Variants in ACBD6 observed in about 807,000 individuals in gnomAD.
ACBD6 encodes acyl-CoA-binding domain-containing protein 6.
Under a neutral mutation model 37.2 loss-of-function variants are expected in ACBD6, and 28 were observed. The observed-to-expected ratio is 0.75, with a 90% CI of 0.56 to 1.03. ACBD6 has a LOEUF of 1.03. ACBD6 is among the 50% of genes least tolerant of loss of function. The probability of loss-of-function intolerance (pLI) is 0.00; values close to 1 mark genes in which losing one functional copy is unlikely to be tolerated. For missense variants in ACBD6, 340 were observed against 337.4 expected (o/e 1.01, Z -0.06); for synonymous variants, 113 against 126.8 (o/e 0.89, Z 0.73).
intron 6 of ACBD6, among the ~76,000 whole-genome samples, chr1:180,374,580 C>CTCCTG (rs2101919016): frequency 2.6e-5 from 1 of 38,932 alleles, no homozygotes; most frequent in East Asian, 4.0e-4. Context: ...TCTGTTTTCA[C>CTCCTG]ACCTGACCTG....
chr1:180,300,169 C>T (rs532568482), intron 7 of ACBD6, among the ~76,000 whole-genome samples: 2 of 152,226 alleles, frequency 1.3e-5, no homozygotes, highest in South Asian at 4.1e-4. Context: ...ATAACTAAAT[C>T]CCCAAAGACA....
In ACBD6 at chr1:180,499,357, CA is replaced by C. The variant is rs1403036099; in HGVS notation, c.222+2687del. On this transcript the variant is annotated intron_variant, in intron 1 of 7. Coordinates refer to ENST00000367595, the MANE Select transcript of ACBD6 (RefSeq NM_032360.4). ...CGGCCCAGTGTCATATATAAGTAAGCATATTATTCTCTAACAATGCAGAATT... is the reference window on the plus strand; with the variant it reads ...CGGCCCAGTGTCATATATAAGTAAGCTATTATTCTCTAACAATGCAGAATT... Among the ~76,000 whole-genome samples the C allele has an allele frequency of 4.6e-5, 7 of 152,262 alleles. No homozygotes were observed. The South Asian group carries it at 1.2e-3, about 27-fold the overall frequency.
intron 6 of ACBD6, among the ~76,000 whole-genome samples, chr1:180,331,948 T>C (rs1293073070): frequency 1.3e-5 from 2 of 152,198 alleles, no homozygotes; most frequent in Non-Finnish European, 2.9e-5. Flanking sequence ...GATGTCTAAT[T>C]ATCCATTTCT....
At chr1:180,416,326 C>G (rs1648093783) in intron 4 of ACBD6, among the ~76,000 whole-genome samples, 1 of 152,186 alleles carries the variant, frequency 6.6e-6, no homozygotes. Flanking sequence ...GAGCTCAATA[C>G]AGCCTTCCAT....
At chr1:180,396,058 T>C (rs1054155959) in intron 6 of ACBD6, among the ~76,000 whole-genome samples, 20 of 152,104 alleles carry the variant, frequency 1.3e-4, no homozygotes, top group African/African-American at 4.3e-4. Flanking sequence ...GGGACAAATA[T>C]TGTATGATTC....
At chr1:180,419,181 G>A (rs1045096400) in intron 4 of ACBD6, among the ~76,000 whole-genome samples, 4 of 152,208 alleles carry the variant, frequency 2.6e-5, no homozygotes, top group Admixed American at 2.6e-4. Context: ...AACCCAGGAA[G>A]CGGAGCTTGC....
chr1:180,271,903 GC>G, exon 14 of ACBD6: 3 of 1,613,652 alleles, frequency 1.9e-6, no homozygotes, highest in Non-Finnish European at 2.5e-6. Flanking sequence ...ACCGCTGGGG[GC>G]AGTTCTATAA....
chr1:180,461,473 T>C (rs10157891), intron 3 of ACBD6, among the ~76,000 whole-genome samples: 145,391 of 152,240 alleles, frequency 0.96, 69,491 homozygotes, highest in African/African-American at 0.99. Flanking sequence ...TCAGATTTTC[T>C]AAGGTTGAAA....
At chr1:180,476,378 G>A (rs1478406310) in intron 3 of ACBD6, among the ~76,000 whole-genome samples, 1 of 152,044 alleles carries the variant, frequency 6.6e-6, no homozygotes, top group African/African-American at 2.4e-5. Flanking sequence ...GGAACACTAG[G>A]CATAAATGGG....
chr1:180,387,149 T>TA (rs1653875199), intron 6 of ACBD6, among the ~76,000 whole-genome samples: 1 of 152,228 alleles, frequency 6.6e-6, no homozygotes, highest in African/African-American at 2.4e-5. Flanking sequence ...GTGTGCTACT[T>TA]AGAGGTCAAT....
chr1:180,349,761 T>C (rs1377935498), intron 6 of ACBD6, among the ~76,000 whole-genome samples: 1 of 152,110 alleles, frequency 6.6e-6, no homozygotes, highest in African/African-American at 2.4e-5. Context: ...TCACTTCCTA[T>C]TCTTGTTAGC....
intron 5 of ACBD6, among the ~76,000 whole-genome samples, chr1:180,399,461 G>A (rs369519067): frequency 3.3e-5 from 5 of 151,952 alleles, no homozygotes; most frequent in African/African-American, 1.2e-4. Flanking sequence ...GTAGAGATGG[G>A]GTTTCACCAT....
chr1:180,440,974 T>G (rs76724469), intron 3 of ACBD6, among the ~76,000 whole-genome samples: 5 of 152,222 alleles, frequency 3.3e-5, no homozygotes, highest in Non-Finnish European at 7.3e-5. Flanking sequence ...TTTGGGTTGT[T>G]TGCACTTTTG....
At chr1:180,276,926 T>G (rs1649071835) in intron 9 of ACBD6, 1 of 152,178 alleles carries the variant, frequency 6.6e-6, no homozygotes, top group African/African-American at 2.4e-5. Flanking sequence ...TAATTCCCAG[T>G]TCAATAGTGG....
chr1:180,427,473 A>G (rs1648629366), intron 4 of ACBD6, among the ~76,000 whole-genome samples: 1 of 152,216 alleles, frequency 6.6e-6, no homozygotes, highest in African/African-American at 2.4e-5. Flanking sequence ...TTAGAAAAAT[A>G]AAACACCAGA....
At chr1:180,440,608 T>C (rs10798766) in intron 3 of ACBD6, among the ~76,000 whole-genome samples, 6 of 147,414 alleles carry the variant, frequency 4.1e-5, no homozygotes, top group South Asian at 2.2e-4. Flanking sequence ...CCCATTCCCC[T>C]CTCCCCCAAA....
intron 3 of ACBD6, among the ~76,000 whole-genome samples, chr1:180,466,673 C>A (rs1032753203): frequency 6.6e-6 from 1 of 152,090 alleles, no homozygotes; most frequent in Non-Finnish European, 1.5e-5. Context: ...AATAGTTTGC[C>A]TATGCACAAA....
intron 3 of ACBD6, among the ~76,000 whole-genome samples, chr1:180,456,295 T>G (rs935167135): frequency 6.6e-6 from 1 of 152,062 alleles, no homozygotes; most frequent in African/African-American, 2.4e-5. Context: ...CTCAAAAAGT[T>G]TCAAAAACTC....
intron 7 of ACBD6, among the ~76,000 whole-genome samples, chr1:180,304,982 G>A (rs995711385): frequency 1.3e-4 from 20 of 152,064 alleles, no homozygotes; most frequent in Non-Finnish European, 2.9e-5. Context: ...TGACAAACCT[G>A]ACAAAAACAA....
Sources: gnomAD v4.1 joint callset for allele counts (sites outside exome capture counted in the v4.1 genomes callset) on GRCh38, gnomAD v4.1.1 for gene constraint, MANE v1.5 for transcripts, NCBI Gene and HGNC (gene_info 2026-07-23, HGNC 2026-07-21) for gene names.